Variants in SEMA3F observed in about 807,000 individuals in gnomAD.
SEMA3F encodes the protein semaphorin-3F.
In SEMA3F, 30 loss-of-function variants were observed where a neutral mutation model predicts 98.5. The ratio of observed to expected loss-of-function variants is 0.30; its 90% CI spans 0.23 to 0.41. SEMA3F has a LOEUF of 0.41. Among genes scored for constraint, SEMA3F ranks in the 10% least tolerant of loss-of-function variants. The probability of loss-of-function intolerance (pLI) is 1.00; values close to 1 mark genes in which losing one functional copy is unlikely to be tolerated. For missense variants in SEMA3F, 866 were observed against 1,119.3 expected, an observed-to-expected ratio of 0.77 and a Z score of 3.23; for synonymous variants, 380 against 444.8, an observed-to-expected ratio of 0.85 and a Z score of 1.83.
chr3:50,169,997 T>G (rs1698540771), intron 2 of SEMA3F, among the ~76,000 whole-genome samples: 1 of 151,942 alleles, frequency 6.6e-6, no homozygotes, highest in Admixed American at 6.6e-5. Context: ...CATGGTGGAG[T>G]GGGGAGCAGG....
At chr3:50,172,068 T>A (rs1241464122) in intron 2 of SEMA3F, among the ~76,000 whole-genome samples, 2 of 152,080 alleles carry the variant, frequency 1.3e-5, no homozygotes, top group African/African-American at 4.8e-5. Context: ...GTCTAGGGCC[T>A]CGGATCCCAG....
At position 50,185,673 on chromosome 3, in the gene SEMA3F, C is replaced by G. The variant is rs1243130029; in HGVS notation, c.1553C>G (p.Ala518Gly). The G allele has an allele frequency of 1.9e-6, 3 of 1,614,084 alleles. No homozygotes were observed. The highest frequency in any genetic ancestry group is 2.5e-6 in the Non-Finnish European group (3 of 1,180,036). The change falls in exon 15 of 19, where the codon GCA (alanine) becomes GGA (glycine). Residue 518 changes from alanine (A) to glycine (G), a missense_variant. Transcript: ENST00000002829. ...ATCTTTATCTTTTTCTAGGATCCAG[C>G]ACCCGTCAAGACCATGACCATCTCT... The part of the protein sequence containing the change: ...LEEVEVFKDP[A>G]PVKTMTISSK...
At chr3:50,161,978 C>T (rs1043523498) in intron 2 of SEMA3F, among the ~76,000 whole-genome samples, 1 of 152,312 alleles carries the variant, frequency 6.6e-6, no homozygotes, top group Non-Finnish European at 1.5e-5. Context: ...CCAGAGTACA[C>T]GTGGGTGGCA....
At chr3:50,157,220 C>T (rs1390649720) in intron 1 of SEMA3F, among the ~76,000 whole-genome samples, 1 of 152,080 alleles carries the variant, frequency 6.6e-6, no homozygotes, top group Non-Finnish European at 1.5e-5. Context: ...GGCCACCTGG[C>T]CCCCTGTCCC....
At position 50,186,623 on chromosome 3, in the gene SEMA3F, T is replaced by C. The variant is rs1328001724; in HGVS notation, c.1824T>C (p.Asn608=). Residue 608 remains asparagine, a synonymous_variant, in exon 18 of 19, where the codon AAT becomes AAC. Coordinates refer to ENST00000002829, the MANE Select transcript of SEMA3F (RefSeq NM_004186.5). The stretch of plus-strand genomic sequence containing the variant: ...CCTCTCACTCTAAAGCCAACAAGAA[T>C]GCCGTGGAGTCTGTGCAGTATGGCG... The part of the protein sequence containing the change: ...CRGFNSNANK[N]AVESVQYGVA... 3.8e-6 allele frequency: 6 copies of C among 1,592,434 alleles called. No homozygotes were observed. Among genetic ancestry groups the C allele is most frequent in the Non-Finnish European group, 5.2e-6 (6 of 1,163,078 alleles).
Position 50,182,696 on chromosome 3 carries a change from T to C in SEMA3F, c.816T>C (p.Asp272=). 1.2e-6 allele frequency: 2 copies of C among 1,613,688 alleles called. No individual in the cohort carries two copies. Among genetic ancestry groups the C allele is most frequent in the Non-Finnish European group, 8.5e-7 (1 of 1,180,024 alleles). Residue 272 remains aspartate (D), a synonymous_variant, in exon 9 of 19, where the codon GAT becomes GAC. Transcript: ENST00000002829. The surrounding 1 kb of genome is among the most constrained non-coding windows in gnomAD (Gnocchi z 4.5). ...ELIPDSAERN[D]DKLYFFFRER... is the part of the protein sequence containing the mutation. ...TTCCTGACAGTGCGGAGCGCAATGA[T>C]GATAAGCTTTACTTCTTCTTCCGTG...
At chr3:50,181,377 A>G (rs1317320088) in intron 7 of SEMA3F, among the ~76,000 whole-genome samples, 1 of 150,852 alleles carries the variant, frequency 6.6e-6, no homozygotes, top group East Asian at 2.0e-4. Context: ...GCTGGAGTGC[A>G]GTGGTGCGAT....
Position 50,185,919 on chromosome 3 carries a change from G to A in SEMA3F, c.1618G>A (p.Val540Ile), listed in dbSNP as rs1380053648. ...ACTCTACGTGGCGTCAGCCGTGGGT[G>A]TCACACACCTGAGCCTGCACCGCTG... Reference protein sequence around the residue: ...QQLYVASAVGVTHLSLHRCQA... With the variant: ...QQLYVASAVGITHLSLHRCQA... The change falls in exon 16 of 19, where the codon GTC becomes ATC. Residue 540 changes from valine (V) to isoleucine (I), a missense_variant. Val to Ile is a conservative substitution (Grantham distance 29, BLOSUM62 3). Coordinates refer to ENST00000002829, the MANE Select transcript of SEMA3F (RefSeq NM_004186.5). 1 of 1,613,588 alleles carries A rather than the reference G, an allele frequency of 6.2e-7. No individual in the cohort carries two copies. The highest frequency in any genetic ancestry group is 2.2e-5 in the East Asian group (1 of 44,868).
chr3:50,161,635 C>T (rs959673522), intron 2 of SEMA3F, among the ~76,000 whole-genome samples: 2 of 152,226 alleles, frequency 1.3e-5, no homozygotes, highest in African/African-American at 2.4e-5. Context: ...TTCCCTGTTC[C>T]GACCTGGTCT....
chr3:50,182,687 G>A lies in SEMA3F; in HGVS notation c.807G>A (p.Glu269=), dbSNP rs774270733. 4.3e-6 allele frequency: 7 copies of A among 1,613,610 alleles called. No homozygotes were observed. The highest frequency in any genetic ancestry group is 5.9e-6 in the Non-Finnish European group (7 of 1,180,034). ...CTGAGCTCATTCCTGACAGTGCGGA[G>A]CGCAATGATGATAAGCTTTACTTCT... ...IHAELIPDSA[E]RNDDKLYFFF... is the part of the protein sequence containing the mutation. Residue 269 remains glutamate, a synonymous_variant, in exon 9 of 19, where the codon GAG becomes GAA. Coordinates refer to ENST00000002829, the MANE Select transcript of SEMA3F (RefSeq NM_004186.5). The surrounding 1 kb of genome is among the most constrained non-coding windows in gnomAD (Gnocchi z 4.5).
chr3:50,160,398 G>C (rs1303176389), intron 2 of SEMA3F, among the ~76,000 whole-genome samples: 9 of 152,190 alleles, frequency 5.9e-5, no homozygotes. Context: ...GTGATGGGCT[G>C]GGGTCTGCAG....
chr3:50,174,410 T>C, intron 5 of SEMA3F, 60 bp downstream of exon 5: 1 of 1,554,302 alleles, frequency 6.4e-7, no homozygotes, highest in South Asian at 1.2e-5. Flanking sequence ...CCCAGGGTCC[T>C]GATGGGAGGA....
rs998441377 is a variant in SEMA3F at position 50,155,480 on chromosome 3, G to A, written c.-133G>A. ...CGCGGGCAGGGCCATGGCCCCGGGG[G>A]GCCGCTAGCGCGGACCGGCCCAACG... On this transcript the variant is annotated 5_prime_UTR_variant, in exon 1 of 19. Coordinates refer to ENST00000002829, the MANE Select transcript of SEMA3F (RefSeq NM_004186.5). The surrounding 1 kb of genome is among the most constrained non-coding windows in gnomAD (Gnocchi z 4.9). 1.9e-3 allele frequency: 587 copies of A among 314,226 alleles called. 6 individuals are homozygous for A. Among genetic ancestry groups the A allele is most frequent in the East Asian group, 9.2e-4 (18 of 19,540 alleles). 19.5% of individuals were successfully genotyped at this position (314,226 alleles called of 1,614,324 possible).
rs561528569 is a variant in SEMA3F, at chr3:50,183,441, C to T, written c.1110C>T (p.Ala370=). ...ACAGCTCCGTGTTCCGAGGCTCTGC[C>T]GTGTGTGTCTACTCCATGGCTGATA... ...TSSGSVFRGS[A]VCVYSMADIR... The change falls in exon 12 of 19, where the codon GCC becomes GCT. Residue 370 remains alanine, a synonymous_variant. Transcript: ENST00000002829. 1.1e-4 allele frequency: 172 copies of T among 1,614,080 alleles called. 1 individual carries two copies. The South Asian group carries it at 1.8e-3, about 17-fold the overall frequency.
At chr3:50,180,363 A>G (rs186642134) in intron 7 of SEMA3F, among the ~76,000 whole-genome samples, 34 of 152,142 alleles carry the variant, frequency 2.2e-4, no homozygotes, top group Admixed American at 1.2e-3. Flanking sequence ...GGGTTATGCC[A>G]TGTTGGCCAG....
intron 7 of SEMA3F, among the ~76,000 whole-genome samples, chr3:50,179,688 A>G (rs1160066664): frequency 6.6e-6 from 1 of 152,154 alleles, no homozygotes; most frequent in Non-Finnish European, 1.5e-5. Context: ...CCATGATCTT[A>G]TCTAAATCTT....
chr3:50,163,464 G>T (rs769479899), intron 2 of SEMA3F, among the ~76,000 whole-genome samples: 3 of 152,256 alleles, frequency 2.0e-5, no homozygotes, highest in African/African-American at 7.2e-5. Flanking sequence ...CAGTGCCACC[G>T]CTCACATCAT....
chr3:50,157,158 A>AC (rs1481779445), intron 1 of SEMA3F, among the ~76,000 whole-genome samples: 1 of 147,206 alleles, frequency 6.8e-6, no homozygotes, highest in Non-Finnish European at 1.5e-5. Flanking sequence ...CAGGCTGTCC[A>AC]CCCCCACCCC....
rs1244698467 is a variant in SEMA3F, at chr3:50,176,874, C to A, written c.643+13C>A. 2 of 1,598,218 alleles carry A rather than the reference C, an allele frequency of 1.3e-6. No individual in the cohort carries two copies. Among genetic ancestry groups the A allele is most frequent in the Middle Eastern group, 1.7e-4 (1 of 6,028 alleles). On this transcript the variant is annotated intron_variant, in intron 7 of 18. Transcript: ENST00000002829. ...TCGGCCCTCATCAGTGAGTGCCCCCCAACCCCGCTCTACAGTCTCAATGTG... is the reference window on the plus strand; with the variant it reads ...TCGGCCCTCATCAGTGAGTGCCCCCAAACCCCGCTCTACAGTCTCAATGTG...
Sources: gnomAD v4.1 joint callset for allele counts (sites outside exome capture counted in the v4.1 genomes callset) on GRCh38, gnomAD v4.1.1 for gene constraint, Gnocchi (gnomAD v3.1) non-coding constraint, MANE v1.5 for transcripts, NCBI Gene and HGNC (gene_info 2026-07-23, HGNC 2026-07-21) for gene names.